LRRIQ3: variants seen among roughly 807,000 people sequenced by gnomAD.
LRRIQ3 encodes leucine-rich repeat and IQ domain-containing protein 3.
A neutral mutation model predicts 59.3 loss-of-function variants in LRRIQ3; 75 were observed. The observed-to-expected ratio is 1.26, with a 90% CI of 1.05 to 1.53. LRRIQ3 has a LOEUF of 1.53. Ranked by LOEUF, LRRIQ3 falls within the 40% of genes most tolerant of loss-of-function variation. The pLI, the probability that LRRIQ3 is intolerant of heterozygous loss-of-function variation, is 0.00. For synonymous variants in LRRIQ3, 250 were observed against 231.3 expected, an observed-to-expected ratio of 1.08 and a Z score of -0.73; for missense variants, 831 against 710.0, an observed-to-expected ratio of 1.17 and a Z score of -1.94.
chr1:74,177,295 T>C (rs570098979), intron 3 of LRRIQ3, among the ~76,000 whole-genome samples: 2 of 152,218 alleles, frequency 1.3e-5, no homozygotes, highest in African/African-American at 4.8e-5. Context: ...TGCTGGATGC[T>C]TCCTGCCCTC....
At chr1:74,072,541 C>A (rs970394407) in intron 6 of LRRIQ3, among the ~76,000 whole-genome samples, 1 of 151,630 alleles carries the variant, frequency 6.6e-6, no homozygotes, top group African/African-American at 2.4e-5. Context: ...TTATCACGTT[C>A]TTAAATTTCT....
At chr1:74,180,072 G>T (rs561179539) in intron 3 of LRRIQ3, 22 of 151,896 alleles carry the variant, frequency 1.4e-4, no homozygotes, top group African/African-American at 5.3e-4. Flanking sequence ...AATATTCTCA[G>T]TAAAGGTTCT....
intron 7 of LRRIQ3, among the ~76,000 whole-genome samples, chr1:74,037,458 T>G (rs1418195601): frequency 1.3e-5 from 2 of 152,018 alleles, no homozygotes; most frequent in Non-Finnish European, 2.9e-5. Context: ...GCCAACGTGG[T>G]GAAACCTTGT....
intron 3 of LRRIQ3, among the ~76,000 whole-genome samples, chr1:74,177,213 G>A (rs1490474805): frequency 1.3e-5 from 2 of 152,086 alleles, no homozygotes; most frequent in Admixed American, 6.5e-5. Flanking sequence ...TGCTAAGTAT[G>A]TCTATGCCAA....
At chr1:74,100,459 T>C (rs541761618) in intron 5 of LRRIQ3, among the ~76,000 whole-genome samples, 1 of 152,232 alleles carries the variant, frequency 6.6e-6, no homozygotes, top group African/African-American at 2.4e-5. Flanking sequence ...GAAGAATCAA[T>C]ATCATGAAAA....
intron 3 of LRRIQ3, among the ~76,000 whole-genome samples, chr1:74,171,593 T>C (rs192119803): frequency 1.3e-3 from 203 of 152,304 alleles, no homozygotes; most frequent in African/African-American, 4.6e-3. Flanking sequence ...TCACAGATAT[T>C]GACCTGTAGT....
At chr1:74,089,116 T>C (rs2100512891) in intron 5 of LRRIQ3, among the ~76,000 whole-genome samples, 1 of 152,218 alleles carries the variant, frequency 6.6e-6, no homozygotes, top group South Asian at 2.1e-4. Context: ...TGAGATTACT[T>C]TGTATCCTGT....
At chr1:74,164,106 C>T (rs751963748) in intron 3 of LRRIQ3, among the ~76,000 whole-genome samples, 13 of 150,356 alleles carry the variant, frequency 8.6e-5, no homozygotes, top group African/African-American at 2.2e-4. Context: ...ATGTTTTTGA[C>T]GTGTGTGTGT....
At chr1:74,061,063 C>G (rs987151763) in intron 6 of LRRIQ3, among the ~76,000 whole-genome samples, 3 of 152,114 alleles carry the variant, frequency 2.0e-5, no homozygotes, top group African/African-American at 7.2e-5. Flanking sequence ...AGGACTTGAT[C>G]TGATATATGA....
intron 4 of LRRIQ3, among the ~76,000 whole-genome samples, chr1:74,127,125 T>C (rs1469801987): frequency 6.6e-6 from 1 of 151,978 alleles, no homozygotes; most frequent in Non-Finnish European, 1.5e-5. Context: ...CCTCCGTTTA[T>C]AGTTTTTGTA....
At chr1:74,074,251 ATTT>A (rs1240028348) in intron 6 of LRRIQ3, among the ~76,000 whole-genome samples, 1 of 152,134 alleles carries the variant, frequency 6.6e-6, no homozygotes, top group Non-Finnish European at 1.5e-5. Flanking sequence ...ATAAGATATG[ATTT>A]TTTAACATTG....
intron 3 of LRRIQ3, among the ~76,000 whole-genome samples, chr1:74,173,040 G>T (rs894429457): frequency 6.6e-6 from 1 of 152,018 alleles, no homozygotes; most frequent in Non-Finnish European, 1.5e-5. Flanking sequence ...AGTGGCTCAC[G>T]CCTGTAATCC....
At position 74,027,066 on chromosome 1, in the gene LRRIQ3, G is replaced by T. The variant is rs547958887; in HGVS notation, c.1719-97C>A. ...TTAATGATAATAATTAGATGTCTTC[G>T]AAATAGGCATATACAAGTGAGAAAG... On this transcript the variant is annotated intron_variant, in intron 7 of 7. Coordinates refer to ENST00000354431, the MANE Select transcript of LRRIQ3 (RefSeq NM_001105659.2). 8.9e-6 allele frequency: 7 copies of T among 788,154 alleles called. No homozygotes were observed. The South Asian group carries it at 1.4e-4, about 16-fold the overall frequency. 48.8% of individuals were successfully genotyped at this position (788,154 alleles called of 1,614,324 possible).
intron 4 of LRRIQ3, among the ~76,000 whole-genome samples, chr1:74,128,030 T>C (rs1482288467): frequency 6.6e-6 from 1 of 152,030 alleles, no homozygotes; most frequent in Admixed American, 6.6e-5. Flanking sequence ...GCACTTTAAA[T>C]ATATCCTGCC....
intron 3 of LRRIQ3, among the ~76,000 whole-genome samples, chr1:74,170,129 C>A (rs909764790): frequency 9.9e-5 from 15 of 152,046 alleles, no homozygotes; most frequent in African/African-American, 2.9e-4. Context: ...CTATAAGTTG[C>A]CATTTCACTC....
Position 74,078,218 on chromosome 1 carries a change from T to A in LRRIQ3, c.868-3428A>T, listed in dbSNP as rs527803352. ...GAAACGTTGAGTGACCATGAAAGAC[T>A]GAAGATTAATAAAATGATGCCAAGC... On this transcript the variant is annotated intron_variant, in intron 5 of 7. Transcript: ENST00000354431. 1.3e-4 allele frequency among the ~76,000 whole-genome samples: 20 copies of A among 151,934 alleles called. No individual in the cohort carries two copies. In the South Asian group the frequency reaches 4.1e-3, roughly 31 times the overall value.
chr1:74,182,445 TA>T, intron 3 of LRRIQ3, 92 bp downstream of exon 3: 1 of 646,686 alleles, frequency 1.5e-6, no homozygotes. Flanking sequence ...GCAAAAATAT[TA>T]AAAAGTTTAT....
chr1:74,169,742 G>T (rs1223355378), intron 3 of LRRIQ3, among the ~76,000 whole-genome samples: 2 of 151,980 alleles, frequency 1.3e-5, no homozygotes, highest in Non-Finnish European at 2.9e-5. Context: ...TAGAGACAGG[G>T]TCTTGTTATG....
At chr1:74,176,871 T>A (rs886912698) in intron 3 of LRRIQ3, among the ~76,000 whole-genome samples, 1 of 152,156 alleles carries the variant, frequency 6.6e-6, no homozygotes, top group Non-Finnish European at 1.5e-5. Flanking sequence ...GGTTCCTTAC[T>A]TGGCCTCCTT....
Sources: gnomAD v4.1 joint callset for allele counts (sites outside exome capture counted in the v4.1 genomes callset) on GRCh38, gnomAD v4.1.1 for gene constraint, MANE v1.5 for transcripts, NCBI Gene and HGNC (gene_info 2026-07-23, HGNC 2026-07-21) for gene names.